Variants in ATF2 observed in about 807,000 individuals in gnomAD.
The protein encoded by ATF2 is cyclic AMP-dependent transcription factor ATF-2.
ATF2 carries 24 observed loss-of-function variants against 60.6 expected under a neutral mutation model. The ratio of observed to expected loss-of-function variants is 0.40; its 90% CI spans 0.29 to 0.56. The LOEUF is 0.56. Ranked by LOEUF, ATF2 falls within the 20% of genes least tolerant of loss-of-function variation. ATF2 has a pLI of 0.54. For missense variants in ATF2, 433 were observed against 607.7 expected (o/e 0.71, Z 3.02); for synonymous variants, 206 against 215.4 (o/e 0.96, Z 0.38).
chr2:175,134,640 A>G (rs2105761466), intron 3 of ATF2, among the ~76,000 whole-genome samples: 1 of 152,298 alleles, frequency 6.6e-6, no homozygotes, highest in South Asian at 2.1e-4. Context: ...TGATGAAGGA[A>G]AAGTCTTTTA....
intron 2 of ATF2, among the ~76,000 whole-genome samples, chr2:175,145,695 T>G (rs1225708604): frequency 6.6e-6 from 1 of 152,150 alleles, no homozygotes; most frequent in Non-Finnish European, 1.5e-5. Context: ...ACAGGATGGG[T>G]CTTGTAGTGG....
rs1176905315 is a variant in ATF2, at chr2:175,163,918, C to CAAAA, written c.-143+4128_-143+4131dup. On this transcript the variant is annotated intron_variant, in intron 1 of 13. Coordinates refer to ENST00000264110, the MANE Select transcript of ATF2 (RefSeq NM_001880.4). The stretch of plus-strand genomic sequence containing the variant: ...CCTGGGTGACATAGCAACTCCGTCT[C>CAAAA]AAAAAAAAAAAAAAGAAAAGTGAAA... Among the ~76,000 whole-genome samples the CAAAA allele has an allele frequency of 1.7e-3, 53 of 30,318 alleles. 6 individuals carry two copies. Among genetic ancestry groups the CAAAA allele is most frequent in the African/African-American group, 5.2e-3 (44 of 8,426 alleles). 19.9% of individuals were successfully genotyped at this position (30,318 alleles called of 152,430 possible).
At chr2:175,124,726 T>A (rs991343095) in intron 4 of ATF2, among the ~76,000 whole-genome samples, 2 of 151,896 alleles carry the variant, frequency 1.3e-5, no homozygotes, top group Non-Finnish European at 2.9e-5. Context: ...AGACTAAATA[T>A]AAAATGAATC....
intron 2 of ATF2, among the ~76,000 whole-genome samples, chr2:175,142,842 GTGTGTGTC>G (rs1192055535): frequency 6.6e-6 from 1 of 151,398 alleles, no homozygotes; most frequent in African/African-American, 2.4e-5. Flanking sequence ...GAGAGTGTGT[GTGTGTGTC>G]TGTGTGTGTT....
intron 13 of ATF2, among the ~76,000 whole-genome samples, chr2:175,076,139 C>T (rs1388475810): frequency 6.6e-6 from 1 of 152,094 alleles, no homozygotes; most frequent in Non-Finnish European, 1.5e-5. Context: ...GTAGTGTCAA[C>T]TTTAGCTAAA....
At chr2:175,136,233 TTTTAA>T (rs1215488253) in intron 3 of ATF2, among the ~76,000 whole-genome samples, 174 bp downstream of exon 3, 2 of 152,144 alleles carry the variant, frequency 1.3e-5, no homozygotes, top group Non-Finnish European at 2.9e-5. Context: ...ACTTAGATGC[TTTTAA>T]TTTGATTATT....
intron 1 of ATF2, among the ~76,000 whole-genome samples, chr2:175,154,026 C>T (rs1049521260): frequency 2.1e-4 from 32 of 151,328 alleles, no homozygotes; most frequent in African/African-American, 7.3e-4. Context: ...TCAAGACCAG[C>T]GTGACCAACA....
At chr2:175,166,319 G>T (rs1700347168) in intron 1 of ATF2, among the ~76,000 whole-genome samples, 1 of 152,130 alleles carries the variant, frequency 6.6e-6, no homozygotes, top group Non-Finnish European at 1.5e-5. Flanking sequence ...TACACATCAT[G>T]GTAAATTTGG....
chr2:175,140,144 T>A (rs575375709), intron 2 of ATF2, among the ~76,000 whole-genome samples: 18 of 152,166 alleles, frequency 1.2e-4, no homozygotes, highest in Non-Finnish European at 2.4e-4. Flanking sequence ...TAAGAAAAAG[T>A]GTCCTCATTC....
intron 12 of ATF2, among the ~76,000 whole-genome samples, chr2:175,090,669 T>C (rs1694483500): frequency 1.3e-5 from 2 of 152,178 alleles, no homozygotes; most frequent in Non-Finnish European, 2.9e-5. Context: ...AGGTATTAAC[T>C]AAACTCAAGT....
intron 10 of ATF2, among the ~76,000 whole-genome samples, chr2:175,103,223 C>A (rs950784384): frequency 6.6e-6 from 1 of 152,182 alleles, no homozygotes; most frequent in Non-Finnish European, 1.5e-5. Flanking sequence ...TTCATATGTG[C>A]CACAAAAGCT....
intron 13 of ATF2, chr2:175,075,122 T>A: frequency 2.3e-5 from 26 of 1,124,722 alleles, no homozygotes; most frequent in South Asian, 3.4e-5. Flanking sequence ...TGAGGGAGAG[T>A]TTGGAAGATA....
chr2:175,165,916 G>GAA (rs1559134400), intron 1 of ATF2, among the ~76,000 whole-genome samples: 21 of 152,158 alleles, frequency 1.4e-4, no homozygotes, highest in African/African-American at 5.1e-4. Context: ...CGCCCCACTC[G>GAA]GCCTCACGAA....
rs533660870 is a variant in ATF2, at chr2:175,076,983, T to C, written c.1292-2148A>G. Among the ~76,000 whole-genome samples, 3 of 127,068 alleles carry C rather than the reference T, an allele frequency of 2.4e-5. No individual in the cohort carries two copies. In the South Asian group the frequency reaches 8.7e-4, roughly 37 times the overall value. The allele number at this position is 127,068 out of a possible 152,430, so 83.4% of individuals were successfully genotyped here. On this transcript the variant is annotated intron_variant, in intron 13 of 13. Transcript: ENST00000264110. ...CCACAACAGGCCCCGGTGTGTGATG[T>C]TCCCCTTCCTATGTCCATGTGTTCT... is the stretch of plus-strand genomic sequence containing the variant.
At chr2:175,141,611 G>A (rs1698542390) in intron 2 of ATF2, among the ~76,000 whole-genome samples, 1 of 151,780 alleles carries the variant, frequency 6.6e-6, no homozygotes. Context: ...TCCTGCCTCA[G>A]CCTCCTAAGT....
chr2:175,161,023 G>A (rs189656519), intron 1 of ATF2, among the ~76,000 whole-genome samples: 2 of 152,102 alleles, frequency 1.3e-5, no homozygotes, highest in African/African-American at 2.4e-5. Context: ...GCATGACAGA[G>A]TAAGACTTTG....
chr2:175,093,873 A>G (rs1212886872), intron 11 of ATF2, among the ~76,000 whole-genome samples: 1 of 152,058 alleles, frequency 6.6e-6, no homozygotes, highest in Non-Finnish European at 1.5e-5. Flanking sequence ...ATTTATTAAT[A>G]CTCATTTTTC....
chr2:175,166,867 T>G (rs1700380452), intron 1 of ATF2, among the ~76,000 whole-genome samples: 1 of 152,178 alleles, frequency 6.6e-6, no homozygotes, highest in Non-Finnish European at 1.5e-5. Flanking sequence ...TCTAAGAAAT[T>G]TAAACTTTCA....
At position 175,097,147 on chromosome 2, in the gene ATF2, A is replaced by T. The variant is rs556878376; in HGVS notation, c.978+297T>A. ...AGTAAAGGAAATTTCTCAAAGCAGTATTCAGTTTCACTGTCCTAAAATCAA... is the reference window on the plus strand; with the variant it reads ...AGTAAAGGAAATTTCTCAAAGCAGTTTTCAGTTTCACTGTCCTAAAATCAA... On this transcript the variant is annotated intron_variant, in intron 11 of 13. Coordinates refer to ENST00000264110, the MANE Select transcript of ATF2 (RefSeq NM_001880.4). Among the ~76,000 whole-genome samples, 3 of 152,376 alleles carry T rather than the reference A, an allele frequency of 2.0e-5. No homozygotes were observed. In the East Asian group the frequency reaches 5.8e-4, roughly 29 times the overall value.
Sources: gnomAD v4.1 joint callset for allele counts (sites outside exome capture counted in the v4.1 genomes callset) on GRCh38, gnomAD v4.1.1 for gene constraint, MANE v1.5 for transcripts, NCBI Gene and HGNC (gene_info 2026-07-23, HGNC 2026-07-21) for gene names.